CLTCL1: variants seen among roughly 807,000 people sequenced by gnomAD.
CLTCL1 encodes clathrin heavy chain like 1.
In CLTCL1, 159 loss-of-function variants were observed where a neutral mutation model predicts 190.0. The ratio of observed to expected loss-of-function variants is 0.84; its 90% confidence interval spans 0.74 to 0.95. The LOEUF is 0.95. CLTCL1 is among the 40% of genes least tolerant of loss of function. The probability of loss-of-function intolerance (pLI) is 0.00; values close to 1 mark genes in which losing one functional copy is unlikely to be tolerated. For synonymous variants in CLTCL1, 752 were observed against 769.6 expected (o/e 0.98, Z 0.38); for missense variants, 1,878 against 2,033.4 (o/e 0.92, Z 1.47).
At chr22:19,264,327 A>G (rs1319115258) in intron 2 of CLTCL1, among the ~76,000 whole-genome samples, 1 of 152,128 alleles carries the variant, frequency 6.6e-6, no homozygotes, top group Non-Finnish European at 1.5e-5. Flanking sequence ...AAAAATTGGA[A>G]CCCTGTGCAC....
intron 3 of CLTCL1, among the ~76,000 whole-genome samples, chr22:19,253,586 A>AT (rs1333941887): frequency 8.7e-4 from 132 of 152,360 alleles, no homozygotes; most frequent in African/African-American, 3.1e-3. Flanking sequence ...ACCTGAAGGA[A>AT]TGCAGTAGTA....
chr22:19,282,851 G>A (rs1396071916), intron 1 of CLTCL1, among the ~76,000 whole-genome samples: 1 of 150,108 alleles, frequency 6.7e-6, no homozygotes, highest in African/African-American at 2.4e-5. Flanking sequence ...GAAAAGCCAG[G>A]TTTTTTCTTT....
rs537260387 is a variant in CLTCL1, at chr22:19,237,778, G to C, written c.795+1497C>G. On this transcript the variant is annotated intron_variant, in intron 5 of 32. Coordinates refer to ENST00000427926, the MANE Select transcript of CLTCL1 (RefSeq NM_007098.4). ...TTTATACAGCAGCAAGGCTAGTGCA[G>C]AGCCATTTTCATAAGAGTCCATCTG... Among the ~76,000 whole-genome samples, 14 of 152,316 alleles carry C rather than the reference G, an allele frequency of 9.2e-5. No individual in the cohort carries two copies. In the South Asian group the frequency reaches 2.5e-3, roughly 27 times the overall value.
chr22:19,212,607 G>A (rs1555947484), intron 19 of CLTCL1, among the ~76,000 whole-genome samples: 4 of 119,196 alleles, frequency 3.4e-5, no homozygotes, highest in South Asian at 2.8e-4. Context: ...AAGAAAGGAA[G>A]GAAGGAAGGA....
rs373200569 is a variant in CLTCL1, at chr22:19,258,600, G to A, written c.251-4373C>T. On this transcript the variant is annotated intron_variant, in intron 2 of 32. Transcript: ENST00000427926. ...GGCAGAGGGACAGCGCCAGGCCCAG[G>A]AGTACGAGGCCTGGAACATCCAGGT... The A allele has an allele frequency of 2.3e-4, 144 of 619,454 alleles. 1 individual carries two copies. The highest frequency in any genetic ancestry group is 2.2e-3 in the African/African-American group (119 of 55,078). 38.4% of individuals were successfully genotyped at this position (619,454 alleles called of 1,614,324 possible).
chr22:19,284,386 C>T (rs1288577237), intron 1 of CLTCL1, among the ~76,000 whole-genome samples: 1 of 152,156 alleles, frequency 6.6e-6, no homozygotes, highest in South Asian at 2.1e-4. Context: ...GAGGGCCTGG[C>T]GTGGCTGCTC....
chr22:19,195,020 G>A (rs1555934663), intron 26 of CLTCL1, among the ~76,000 whole-genome samples: 1 of 152,208 alleles, frequency 6.6e-6, no homozygotes, highest in Non-Finnish European at 1.5e-5. Flanking sequence ...CACACAGTGA[G>A]TCTCAGCTGT....
chr22:19,258,971 GA>G (rs1165369462), intron 2 of CLTCL1, among the ~76,000 whole-genome samples: 2 of 151,658 alleles, frequency 1.3e-5, no homozygotes, highest in African/African-American at 4.8e-5. Flanking sequence ...GACAATAAAA[GA>G]AAAAAAATGA....
At chr22:19,277,637 T>A (rs2087562632) in intron 1 of CLTCL1, among the ~76,000 whole-genome samples, 1 of 152,196 alleles carries the variant, frequency 6.6e-6, no homozygotes, top group Non-Finnish European at 1.5e-5. Context: ...CAACGTTGGG[T>A]TATAGCAAGG....
At position 19,275,615 on chromosome 22, in the gene CLTCL1, G is replaced by A. The variant is rs376298514; in HGVS notation, c.250+8C>T. On this transcript the variant is annotated splice_region_variant and intron_variant, in intron 2 of 32. Transcript: ENST00000427926. ...AAGATTCCTTTCTAACAATCCCATC[G>A]GGTTTACCTTTCAGAGCTATCACCT... is the stretch of plus-strand genomic sequence containing the variant. 3.0e-5 allele frequency: 47 copies of A among 1,592,168 alleles called. No individual in the cohort carries two copies. Among genetic ancestry groups the A allele is most frequent in the African/African-American group, 8.0e-5 (6 of 74,810 alleles).
intron 27 of CLTCL1, among the ~76,000 whole-genome samples, chr22:19,188,614 CTT>C (rs1195452293): frequency 1.3e-4 from 18 of 136,960 alleles, no homozygotes; most frequent in Admixed American, 1.5e-4. Context: ...ATTTCTTTTT[CTT>C]TTTTTTTTTT....
chr22:19,255,876 C>G (rs2086730777), intron 2 of CLTCL1, among the ~76,000 whole-genome samples: 1 of 148,966 alleles, frequency 6.7e-6, no homozygotes, highest in African/African-American at 2.5e-5. Flanking sequence ...TGCCACTGCA[C>G]TCTAGCCTGA....
At chr22:19,251,446 C>T (rs2086587592) in intron 3 of CLTCL1, among the ~76,000 whole-genome samples, 1 of 151,982 alleles carries the variant, frequency 6.6e-6, no homozygotes, top group South Asian at 2.1e-4. Context: ...CCATTTAAAT[C>T]TAGATGCCTT....
At chr22:19,220,664 C>T (rs141708597) in intron 17 of CLTCL1, among the ~76,000 whole-genome samples, 318 of 152,310 alleles carry the variant, frequency 2.1e-3, no homozygotes, top group African/African-American at 7.3e-3. Flanking sequence ...CAAGGCTGAG[C>T]GGCGTGCACA....
chr22:19,222,043 A>G lies in CLTCL1; in HGVS notation c.2469T>C (p.Asp823=). 6.2e-7 allele frequency: 1 copy of G among 1,613,920 alleles called. No individual in the cohort carries two copies. ...AGTGTTTAATCACTTCCTCAGAACA[A>G]TCCACATCAAGCAGCCCTCCAATCA... The part of the protein sequence containing the change: ...PAVIGGLLDV[D]CSEEVIKHLI... Residue 823 remains aspartate (D), a synonymous_variant, in exon 16 of 33, where the codon GAT becomes GAC. Transcript: ENST00000427926.
chr22:19,189,500 A>G (rs1179599842), intron 27 of CLTCL1, among the ~76,000 whole-genome samples: 1 of 152,204 alleles, frequency 6.6e-6, no homozygotes, highest in Non-Finnish European at 1.5e-5. Context: ...AGTAGATTCT[A>G]TCTTAAGAAA....
At chr22:19,184,926 G>GA in intron 29 of CLTCL1, 2 of 208,432 alleles carry the variant, frequency 9.6e-6, no homozygotes, top group Non-Finnish European at 2.0e-5. Flanking sequence ...CAGCTCTCCA[G>GA]TCTACACCTG....
intron 1 of CLTCL1, among the ~76,000 whole-genome samples, chr22:19,284,150 C>T (rs1449524053): frequency 6.6e-6 from 1 of 152,194 alleles, no homozygotes; most frequent in Admixed American, 6.5e-5. Flanking sequence ...AGAACATCAA[C>T]TGCCTACATC....
chr22:19,234,711 A>G lies in CLTCL1; in HGVS notation c.970-5T>C, dbSNP rs117574531. ...CTCAACACAAACTGACAGTACCTGT[A>G]AGGACACAACAAGTGAGAGCAGCCC... On this transcript the variant is annotated splice_polypyrimidine_tract_variant and splice_region_variant and intron_variant, in intron 6 of 32. Coordinates refer to ENST00000427926, the MANE Select transcript of CLTCL1 (RefSeq NM_007098.4). The G allele has an allele frequency of 2.7e-4, 438 of 1,613,282 alleles. 1 individual carries two copies. In the East Asian group the frequency reaches 9.5e-3, roughly 35 times the overall value.
Sources: gnomAD v4.1 joint callset for allele counts (sites outside exome capture counted in the v4.1 genomes callset) on GRCh38, gnomAD v4.1.1 for gene constraint, MANE v1.5 for transcripts, NCBI Gene and HGNC (gene_info 2026-07-23, HGNC 2026-07-21) for gene names.